PARP14: variants seen among roughly 807,000 people sequenced by gnomAD.
PARP14 encodes protein mono-ADP-ribosyltransferase PARP14.
Under a neutral mutation model 154.2 loss-of-function variants are expected in PARP14, and 59 were observed. The observed-to-expected ratio is 0.38, with a 90% CI of 0.31 to 0.48. The LOEUF (loss-of-function observed/expected upper bound fraction) is 0.48. PARP14 is among the 20% of genes least tolerant of loss of function. PARP14 has a pLI of 0.98. For missense variants in PARP14, 1,734 were observed against 2,131.6 expected (o/e 0.81, Z 3.67); for synonymous variants, 720 against 780.5 (o/e 0.92, Z 1.29).
Position 122,703,753 on chromosome 3 carries a change from T to C in PARP14, c.3093T>C (p.Val1031=), listed in dbSNP as rs746564242. ...GTTTTGTCTTTAAGACCGATGTTGT[T>C]GTCAACTCCGTTCCCTTGGATCTCG... is the stretch of plus-strand genomic sequence containing the variant. The part of the protein sequence containing the change: ...EGVQNAKTDV[V]VNSVPLDLVL... The change falls in exon 7 of 17, where the codon GTT becomes GTC. Residue 1031 remains valine, a synonymous_variant. Coordinates refer to ENST00000474629, the MANE Select transcript of PARP14 (RefSeq NM_017554.3). 5.7e-6 allele frequency: 9 copies of C among 1,592,808 alleles called. No individual in the cohort carries two copies. Among genetic ancestry groups the C allele is most frequent in the Non-Finnish European group, 6.8e-6 (8 of 1,169,798 alleles).
Position 122,701,377 on chromosome 3 carries a change from C to A in PARP14, c.2823C>A (p.Ile941=). ...GCGTGGAGACCATTGTTTCTGCCAT[C>A]AAGGAAAACTTCCAATTCAAGAAGG... ...GRCVETIVSA[I]KENFQFKKDG... is the part of the protein sequence containing the mutation. The change falls in exon 6 of 17, where the codon ATC becomes ATA. Residue 941 remains isoleucine, a synonymous_variant. Transcript: ENST00000474629. The surrounding 1 kb of genome is among the most constrained non-coding windows in gnomAD (Gnocchi z 4.0). 1 of 1,614,040 alleles carries A rather than the reference C, an allele frequency of 6.2e-7. No individual in the cohort carries two copies. The highest frequency in any genetic ancestry group is 8.5e-7 in the Non-Finnish European group (1 of 1,179,878).
In PARP14 at chr3:122,699,502, C is replaced by G; in HGVS notation, c.948C>G (p.Ile316Met). The G allele has an allele frequency of 6.2e-7, 1 of 1,613,808 alleles. No homozygotes were observed. Among genetic ancestry groups the G allele is most frequent in the Non-Finnish European group, 8.5e-7 (1 of 1,179,696 alleles). ...TGTATGGAAAGGAGAAGCCTCTGAT[C>G]AAGCTTCCAGCACCATTTGAAGAGT... ...TALYGKEKPL[I>M]KLPAPFEESL... The change falls in exon 6 of 17, where the codon ATC becomes ATG. Residue 316 changes from isoleucine to methionine, a missense_variant. Coordinates refer to ENST00000474629, the MANE Select transcript of PARP14 (RefSeq NM_017554.3).
At chr3:122,707,316 GT>G (rs1939187564) in intron 8 of PARP14, among the ~76,000 whole-genome samples, 1 of 151,606 alleles carries the variant, frequency 6.6e-6, no homozygotes, top group Non-Finnish European at 1.5e-5. Context: ...GGGAGGCGGA[GT>G]TTGCAATGAA....
chr3:122,692,324 A>G lies in PARP14; in HGVS notation c.379A>G (p.Lys127Glu). ...AGATGTGTCAGAAGAATTGGATACA[A>G]AACTCCCTCTTGATGGTGGATTAGA... ...EPDVSEELDT[K>E]LPLDGGLDKM... The change falls in exon 4 of 17, where the codon AAA (lysine) becomes GAA (glutamate). Residue 127 changes from lysine (K) to glutamate (E), a missense_variant. By Grantham distance (56) the Lys-to-Glu change is moderately conservative (BLOSUM62 1). Coordinates refer to ENST00000474629, the MANE Select transcript of PARP14 (RefSeq NM_017554.3). 6.2e-7 allele frequency: 1 copy of G among 1,612,514 alleles called. No homozygotes were observed. The highest frequency in any genetic ancestry group is 8.5e-7 in the Non-Finnish European group (1 of 1,178,644).
intron 4 of PARP14, among the ~76,000 whole-genome samples, chr3:122,694,792 T>C (rs1184633540): frequency 1.3e-5 from 2 of 152,006 alleles, no homozygotes; most frequent in Non-Finnish European, 2.9e-5. Flanking sequence ...AGTGCTTAGA[T>C]TACAGGCATG....
chr3:122,726,376 T>A (rs1350759404), intron 15 of PARP14, among the ~76,000 whole-genome samples: 1 of 152,238 alleles, frequency 6.6e-6, no homozygotes, highest in East Asian at 1.9e-4. Context: ...TGGATGGCAA[T>A]TATTTTCTTT....
rs767141188 is a variant in PARP14, at chr3:122,700,178, A to G, written c.1624A>G (p.Ile542Val). Residue 542 changes from isoleucine to valine, a missense_variant, in exon 6 of 17, where the codon ATT becomes GTT. By Grantham distance (29) the Ile-to-Val change is conservative. This residue lies in a region of PARP14 where 1,646 missense variants were observed against 1,976.0 expected (regional missense o/e 0.83). Transcript: ENST00000474629. ...AQKNIQVSPE[I>V]FQFLQQVNWK... Reference sequence around the variant, plus strand: ...GAAAAACATTCAGGTTTCTCCTGAGATTTTTCAGTTTTTGCAACAGGTAAA... The same window carrying G: ...GAAAAACATTCAGGTTTCTCCTGAGGTTTTTCAGTTTTTGCAACAGGTAAA... The G allele has an allele frequency of 5.0e-6, 8 of 1,612,620 alleles. No individual in the cohort carries two copies. The African/African-American group carries it at 9.3e-5, about 19-fold the overall frequency.
Position 122,727,785 on chromosome 3 carries a change from A to G in PARP14, c.4942-27A>G, listed in dbSNP as rs748582595. The G allele has an allele frequency of 4.7e-6, 7 of 1,487,460 alleles. No homozygotes were observed. In the East Asian group the frequency reaches 1.6e-4, roughly 34 times the overall value. 92.1% of individuals were successfully genotyped at this position (1,487,460 alleles called of 1,614,324 possible). A position where few individuals can be genotyped will look rare whatever the true frequency, so the allele number is the denominator to read the frequency against. Reference sequence around the variant, plus strand: ...ATTGGCAAGTGCTCTTGGAACTGGCAGAATATTATCCTTTATTAATTTGCA... The same window carrying G: ...ATTGGCAAGTGCTCTTGGAACTGGCGGAATATTATCCTTTATTAATTTGCA... On this transcript the variant is annotated intron_variant, in intron 15 of 16. Coordinates refer to ENST00000474629, the MANE Select transcript of PARP14 (RefSeq NM_017554.3).
chr3:122,688,917 C>T (rs1182634585), intron 3 of PARP14, among the ~76,000 whole-genome samples: 1 of 152,190 alleles, frequency 6.6e-6, no homozygotes, highest in Non-Finnish European at 1.5e-5. Context: ...AAGGCACACA[C>T]ACCAAGATCA....
chr3:122,710,880 T>C (rs1310583757), intron 9 of PARP14, among the ~76,000 whole-genome samples: 6 of 151,890 alleles, frequency 4.0e-5, no homozygotes, highest in Admixed American at 6.6e-5. Flanking sequence ...TTTGATTTGA[T>C]TCTCAGCTTG....
At chr3:122,708,388 C>T in intron 9 of PARP14, 120 bp downstream of exon 9, 1 of 632,098 alleles carries the variant, frequency 1.6e-6, no homozygotes, top group Non-Finnish European at 2.8e-6. Flanking sequence ...ACAAATGATA[C>T]TAAGTTATGT....
rs1939222923 is a variant in PARP14 at position 122,708,284 on chromosome 3, T to C, written c.3619+16T>C. On this transcript the variant is annotated intron_variant, in intron 9 of 16. Transcript: ENST00000474629. ...GATACACAAGGTTCAGTAAAGCTTCTAAATTGAGAAGTGATTTCTAGTTGC... is the reference window on the plus strand; with the variant it reads ...GATACACAAGGTTCAGTAAAGCTTCCAAATTGAGAAGTGATTTCTAGTTGC... 6 of 1,421,948 alleles carry C rather than the reference T, an allele frequency of 4.2e-6. No individual in the cohort carries two copies. The highest frequency in any genetic ancestry group is 5.8e-6 in the Non-Finnish European group (6 of 1,026,680). 88.1% of individuals were successfully genotyped at this position (1,421,948 alleles called of 1,614,324 possible).
intron 15 of PARP14, chr3:122,721,156 T>C: frequency 3.1e-6 from 1 of 318,430 alleles, no homozygotes; most frequent in Non-Finnish European, 6.1e-6. Context: ...AACGGTCTTT[T>C]GTCTCTGTAC....
chr3:122,703,681 G>T, intron 6 of PARP14, 61 bp from the exon 7 acceptor site: 3 of 975,752 alleles, frequency 3.1e-6, no homozygotes, highest in Non-Finnish European at 4.6e-6. Flanking sequence ...CTCAAATATA[G>T]TAATCATTGA....
intron 15 of PARP14, among the ~76,000 whole-genome samples, chr3:122,723,987 T>C (rs758016075): frequency 9.5e-4 from 144 of 152,222 alleles, no homozygotes; most frequent in Non-Finnish European, 1.4e-3. Context: ...ATTACAGTGA[T>C]TATTCTGTTA....
intron 7 of PARP14, 82 bp downstream of exon 7, chr3:122,704,060 T>C: frequency 1.1e-6 from 1 of 881,656 alleles, no homozygotes. Flanking sequence ...TGGACATAGA[T>C]TGGGCCTTGT....
At chr3:122,710,291 C>A (rs1939283134) in intron 9 of PARP14, among the ~76,000 whole-genome samples, 1 of 152,070 alleles carries the variant, frequency 6.6e-6, no homozygotes, top group African/African-American at 2.4e-5. Flanking sequence ...GCCAGTTTTC[C>A]CAGCACCGTT....
At chr3:122,703,507 T>C (rs900118644) in intron 6 of PARP14, among the ~76,000 whole-genome samples, 2 of 152,240 alleles carry the variant, frequency 1.3e-5, no homozygotes, top group African/African-American at 4.8e-5. Context: ...TTCTCTGGAC[T>C]CCTTCAGTGA....
intron 3 of PARP14, among the ~76,000 whole-genome samples, chr3:122,691,497 T>C (rs1348030407): frequency 6.6e-6 from 1 of 152,246 alleles, no homozygotes; most frequent in Non-Finnish European, 1.5e-5. Context: ...TATTCCTTAA[T>C]CATTTGCTAT....
Sources: allele counts gnomAD v4.1 joint callset (sites outside exome capture counted in the v4.1 genomes callset), GRCh38; gene constraint gnomAD v4.1.1; regional missense constraint gnomAD v4.1.1; non-coding constraint Gnocchi (gnomAD v3.1); transcripts MANE v1.5; gene names NCBI Gene and HGNC (gene_info 2026-07-23, HGNC 2026-07-21).